The following PALS2 variants were observed in gnomAD, a reference collection of about 807,000 sequenced individuals.
PALS2 encodes protein PALS2.
A neutral mutation model predicts 61.6 loss-of-function variants in PALS2; 27 were observed. The observed-to-expected ratio is 0.44, with a 90% CI of 0.32 to 0.60. PALS2 has a LOEUF of 0.60. Among genes scored for constraint, PALS2 ranks in the 20% least tolerant of loss-of-function variants. The pLI, the probability that PALS2 is intolerant of heterozygous loss-of-function variation, is 0.05. For synonymous variants in PALS2, 236 were observed against 218.6 expected, an observed-to-expected ratio of 1.08 and a Z score of -0.70; for missense variants, 554 against 639.4, an observed-to-expected ratio of 0.87 and a Z score of 1.44.
At chr7:24,654,984 G>A (rs1372989504) in intron 5 of PALS2, among the ~76,000 whole-genome samples, 1 of 152,170 alleles carries the variant, frequency 6.6e-6, no homozygotes, top group African/African-American at 2.4e-5. Flanking sequence ...GTTTGAAATT[G>A]TGTTTCACTC....
In PALS2 at chr7:24,596,767, A is replaced by G. The variant is rs554330860; in HGVS notation, c.-3+23174A>G. Reference sequence around the variant, plus strand: ...TCCTGTGTGAGCACTACACTTTAACAAGGATATTTCTGGACATAGTAGGAA... The same window carrying G: ...TCCTGTGTGAGCACTACACTTTAACGAGGATATTTCTGGACATAGTAGGAA... On this transcript the variant is annotated intron_variant, in intron 1 of 11. Coordinates refer to ENST00000222644, the MANE Select transcript of PALS2 (RefSeq NM_001303037.2). The surrounding 1 kb of genome is among the most constrained non-coding windows in gnomAD (Gnocchi z 4.5). Among the ~76,000 whole-genome samples, 5 of 152,322 alleles carry G rather than the reference A, an allele frequency of 3.3e-5. No individual in the cohort carries two copies. The highest frequency in any genetic ancestry group is 6.5e-5 in the Admixed American group (1 of 15,276).
At chr7:24,638,989 TTA>T (rs1785380377) in intron 2 of PALS2, among the ~76,000 whole-genome samples, 1 of 152,226 alleles carries the variant, frequency 6.6e-6, no homozygotes, top group Non-Finnish European at 1.5e-5. Flanking sequence ...TTCATAGCTC[TTA>T]CTTAGAGCAA....
At chr7:24,612,038 C>T (rs1224659850) in intron 1 of PALS2, among the ~76,000 whole-genome samples, 7 of 151,922 alleles carry the variant, frequency 4.6e-5, no homozygotes, top group Non-Finnish European at 2.9e-5. Flanking sequence ...TTTACTGCTT[C>T]TTTGCTGTGT....
intron 1 of PALS2, chr7:24,589,552 A>G (rs2128042823): frequency 6.6e-6 from 1 of 152,236 alleles, no homozygotes; most frequent in East Asian, 1.9e-4. Flanking sequence ...TGAAGAGACT[A>G]CTTTTCTGAG....
At chr7:24,610,253 G>A (rs541642691) in intron 1 of PALS2, among the ~76,000 whole-genome samples, 81 of 152,202 alleles carry the variant, frequency 5.3e-4, no homozygotes, top group Middle Eastern at 3.4e-3. Flanking sequence ...TAATTTACCC[G>A]GGTTTTCAGG....
At chr7:24,675,950 C>G (rs904318650) in intron 9 of PALS2, among the ~76,000 whole-genome samples, 3 of 149,376 alleles carry the variant, frequency 2.0e-5, no homozygotes, top group African/African-American at 7.6e-5. Flanking sequence ...AGTTCTAGAT[C>G]CTTGAGGAAT....
chr7:24,646,217 C>A (rs532072566), intron 3 of PALS2, among the ~76,000 whole-genome samples: 171 of 152,224 alleles, frequency 1.1e-3, no homozygotes, highest in Middle Eastern at 6.8e-3. Flanking sequence ...GAGAAGTCAT[C>A]CTTGTCTTGT....
chr7:24,622,777 T>A (rs1051820694), intron 1 of PALS2, among the ~76,000 whole-genome samples: 55 of 151,674 alleles, frequency 3.6e-4, no homozygotes, highest in African/African-American at 1.3e-3. Flanking sequence ...TTTTTCCTTA[T>A]TAGGAGTAAA....
chr7:24,630,423 T>A (rs769659032), intron 2 of PALS2, among the ~76,000 whole-genome samples: 3 of 152,070 alleles, frequency 2.0e-5, no homozygotes, highest in Non-Finnish European at 4.4e-5. Context: ...CCATGGCACA[T>A]TTGTACTTAT....
At chr7:24,616,919 G>GA (rs1377463642) in intron 1 of PALS2, among the ~76,000 whole-genome samples, 1 of 152,074 alleles carries the variant, frequency 6.6e-6, no homozygotes, top group Non-Finnish European at 1.5e-5. Context: ...TCAATTCGAG[G>GA]ACTTTTGTGC....
At chr7:24,575,247 T>A (rs1423802035) in intron 1 of PALS2, among the ~76,000 whole-genome samples, 1 of 152,212 alleles carries the variant, frequency 6.6e-6, no homozygotes, top group Non-Finnish European at 1.5e-5. Context: ...ATTCTTGACA[T>A]CTGGAATGTC....
At chr7:24,663,344 G>A (rs938448391) in intron 5 of PALS2, 2 of 293,670 alleles carry the variant, frequency 6.8e-6, no homozygotes, top group East Asian at 1.6e-4. Context: ...GGGATAGAAT[G>A]ATTATCAAAC....
chr7:24,581,174 T>TG (rs1303300134), intron 1 of PALS2, among the ~76,000 whole-genome samples: 1 of 152,098 alleles, frequency 6.6e-6, no homozygotes, highest in East Asian at 1.9e-4. Flanking sequence ...TTCCTTGGCT[T>TG]GCGGCTACAC....
intron 1 of PALS2, among the ~76,000 whole-genome samples, chr7:24,584,031 T>G (rs1782956881): frequency 6.7e-6 from 1 of 150,282 alleles, no homozygotes. Flanking sequence ...ATGGTGTATA[T>G]GTGCCACATT....
intron 1 of PALS2, among the ~76,000 whole-genome samples, chr7:24,602,157 A>G (rs1241595541): frequency 6.6e-6 from 1 of 151,696 alleles, no homozygotes; most frequent in East Asian, 1.9e-4. Flanking sequence ...ATTTCCATTG[A>G]ATTTTTTCTT....
Position 24,573,589 on chromosome 7 carries a change from A to G in PALS2, c.-7A>G. On this transcript the variant is annotated 5_prime_UTR_variant, in exon 1 of 12. Coordinates refer to ENST00000222644, the MANE Select transcript of PALS2 (RefSeq NM_001303037.2). This position sits in a 1 kb window ranked among gnomAD's most constrained non-coding sequence, Gnocchi z 5.3. Reference sequence around the variant, plus strand: ...GCGGCGCGGAGGCGGCTGAGGTGCGAGCCGGTGAGTTAACTGGACCCCCAC... The same window carrying G: ...GCGGCGCGGAGGCGGCTGAGGTGCGGGCCGGTGAGTTAACTGGACCCCCAC... The G allele has an allele frequency of 5.4e-6, 2 of 373,128 alleles. No homozygotes were observed. Among genetic ancestry groups the G allele is most frequent in the Admixed American group, 9.3e-5 (2 of 21,598 alleles). 23.1% of individuals were successfully genotyped at this position (373,128 alleles called of 1,614,324 possible).
intron 5 of PALS2, among the ~76,000 whole-genome samples, chr7:24,653,053 T>A (rs1786241217): frequency 1.3e-5 from 2 of 152,334 alleles, no homozygotes; most frequent in East Asian, 3.9e-4. Context: ...GAATTCTCTC[T>A]TATTCTTTGG....
intron 1 of PALS2, among the ~76,000 whole-genome samples, chr7:24,579,355 G>A (rs951742539): frequency 6.6e-6 from 1 of 152,192 alleles, no homozygotes; most frequent in African/African-American, 2.4e-5. Context: ...TTTCTGAAGA[G>A]CATTAAGGTA....
chr7:24,608,789 T>G (rs1444686729), intron 1 of PALS2, among the ~76,000 whole-genome samples: 1 of 152,074 alleles, frequency 6.6e-6, no homozygotes, highest in Non-Finnish European at 1.5e-5. Flanking sequence ...TTATATTTTC[T>G]TTTTGTAGAG....
Sources: gnomAD v4.1 joint callset for allele counts (sites outside exome capture counted in the v4.1 genomes callset) on GRCh38, gnomAD v4.1.1 for gene constraint, Gnocchi (gnomAD v3.1) non-coding constraint, MANE v1.5 for transcripts, NCBI Gene and HGNC (gene_info 2026-07-23, HGNC 2026-07-21) for gene names.